The following CNTNAP2 variants were observed in gnomAD, a reference collection of about 807,000 sequenced individuals.
The protein encoded by CNTNAP2 is contactin-associated protein-like 2.
Under a neutral mutation model 155.2 loss-of-function variants are expected in CNTNAP2, and 98 were observed. The ratio of observed to expected loss-of-function variants is 0.63; its 90% CI spans 0.54 to 0.75. The LOEUF (loss-of-function observed/expected upper bound fraction) is 0.75. CNTNAP2 is among the 30% of genes least tolerant of loss of function. The pLI, the probability that CNTNAP2 is intolerant of heterozygous loss-of-function variation, is 0.00. For missense variants in CNTNAP2, 1,727 were observed against 1,688.1 expected, an observed-to-expected ratio of 1.02 and a Z score of -0.40; for synonymous variants, 651 against 631.2, an observed-to-expected ratio of 1.03 and a Z score of -0.47.
intron 13 of CNTNAP2, among the ~76,000 whole-genome samples, chr7:147,719,562 C>A (rs1371937612): frequency 6.6e-6 from 1 of 151,956 alleles, no homozygotes; most frequent in Non-Finnish European, 1.5e-5. Context: ...ACCACCGGAG[C>A]AAATTAAAAT....
At chr7:148,233,589 G>C (rs1049340404) in intron 20 of CNTNAP2, among the ~76,000 whole-genome samples, 4 of 152,080 alleles carry the variant, frequency 2.6e-5, no homozygotes, top group Admixed American at 2.0e-4. Context: ...TACTGACATA[G>C]AAAATGCCCA....
intron 4 of CNTNAP2, among the ~76,000 whole-genome samples, chr7:147,103,732 AATT>A (rs1288388563): frequency 1.3e-5 from 2 of 151,676 alleles, no homozygotes; most frequent in African/African-American, 4.8e-5. Context: ...ACCTTTATTG[AATT>A]ATTATATAAT....
intron 17 of CNTNAP2, among the ~76,000 whole-genome samples, chr7:148,166,762 A>G (rs1211988866): frequency 6.6e-6 from 1 of 152,184 alleles, no homozygotes; most frequent in South Asian, 2.1e-4. Flanking sequence ...GGCTCTCTAC[A>G]ATGACAATGT....
rs60221349 is a variant in CNTNAP2 at position 147,784,381 on chromosome 7, C to CATATATATATATATATATATATATATAT, written c.2099-119158_2099-119157insATATATATATATATATATATATATATAT. On this transcript the variant is annotated intron_variant, in intron 13 of 23. Transcript: ENST00000361727. ...TTCATAGCCCTCTACAAACTAAAAA[C>CATATATATATATATATATATATATATAT]ATATATATATATATATATATATATA... 6.1e-4 allele frequency among the ~76,000 whole-genome samples: 61 copies of CATATATATATATATATATATATATATAT among 99,280 alleles called. 1 individual carries two copies. Among genetic ancestry groups the CATATATATATATATATATATATATATAT allele is most frequent in the Non-Finnish European group, 8.0e-4 (36 of 44,846 alleles). The allele number at this position is 99,280 out of a possible 152,430, so 65.1% of individuals were successfully genotyped here.
In CNTNAP2 at chr7:146,862,163, C is replaced by A. The variant is rs74617449; in HGVS notation, c.402+22259C>A. Among the ~76,000 whole-genome samples, 676 of 152,262 alleles carry A rather than the reference C, an allele frequency of 4.4e-3. 6 individuals carry two copies. Among genetic ancestry groups the A allele is most frequent in the Non-Finnish European group, 7.4e-3 (506 of 68,006 alleles). Reference sequence around the variant, plus strand: ...TTTTTCCACCTGCCAGTTCGTTATTCATTCTGATTAGAATCATTTATTCTA... The same window carrying A: ...TTTTTCCACCTGCCAGTTCGTTATTAATTCTGATTAGAATCATTTATTCTA... On this transcript the variant is annotated intron_variant, in intron 3 of 23. Transcript: ENST00000361727.
rs888800972 is a variant in CNTNAP2 at position 148,419,210 on chromosome 7, C to G, written c.*3594C>G. On this transcript the variant is annotated 3_prime_UTR_variant, in exon 24 of 24. Transcript: ENST00000361727. ...TCCAAACAACACTGAATTTGAAACC[C>G]CCCATTTTTTCTTTTCACCACCCTG... 5.3e-5 allele frequency: 8 copies of G among 152,132 alleles called. No homozygotes were observed. Among genetic ancestry groups the G allele is most frequent in the African/African-American group, 1.4e-4 (6 of 41,408 alleles). 9.4% of individuals were successfully genotyped at this position (152,132 alleles called of 1,614,324 possible). A position where few individuals can be genotyped will look rare whatever the true frequency, so the allele number is the denominator to read the frequency against.
intron 18 of CNTNAP2, among the ~76,000 whole-genome samples, chr7:148,195,362 T>A (rs140218840): frequency 6.6e-6 from 1 of 152,126 alleles, no homozygotes; most frequent in African/African-American, 2.4e-5. Context: ...GAGTTTTCCA[T>A]CTCTGAAAAA....
chr7:147,663,291 C>T (rs138488657), intron 13 of CNTNAP2, among the ~76,000 whole-genome samples: 13 of 152,244 alleles, frequency 8.5e-5, no homozygotes, highest in Non-Finnish European at 1.8e-4. Flanking sequence ...CCACCGTGCC[C>T]AGCTGAATGT....
chr7:147,577,177 A>G (rs1165033214), intron 12 of CNTNAP2, among the ~76,000 whole-genome samples: 3 of 152,164 alleles, frequency 2.0e-5, no homozygotes, highest in Non-Finnish European at 1.5e-5. Flanking sequence ...TAACAGTGTC[A>G]CTGATGATCC....
At chr7:146,959,122 C>T (rs879477207) in intron 3 of CNTNAP2, among the ~76,000 whole-genome samples, 13 of 151,902 alleles carry the variant, frequency 8.6e-5, no homozygotes, top group African/African-American at 2.2e-4. Flanking sequence ...CAGGTTCAAG[C>T]GATTCTCCTG....
chr7:146,641,760 T>G (rs886627968), intron 1 of CNTNAP2, among the ~76,000 whole-genome samples: 11 of 152,210 alleles, frequency 7.2e-5, no homozygotes, highest in Non-Finnish European at 1.3e-4. Context: ...TTTTTGTCAC[T>G]GCAGAGAGAA....
intron 15 of CNTNAP2, among the ~76,000 whole-genome samples, chr7:147,978,693 A>C (rs1042184964): frequency 6.6e-6 from 1 of 152,126 alleles, no homozygotes; most frequent in African/African-American, 2.4e-5. Flanking sequence ...ACATGGTTGC[A>C]CTGTGGGGAT....
chr7:147,483,263 G>T (rs1248334430), intron 10 of CNTNAP2, among the ~76,000 whole-genome samples: 1 of 151,958 alleles, frequency 6.6e-6, no homozygotes, highest in East Asian at 1.9e-4. Context: ...ATCTAGAGAT[G>T]ATTTAAATTA....
chr7:148,155,427 T>C (rs1805380505), intron 17 of CNTNAP2, among the ~76,000 whole-genome samples: 1 of 152,190 alleles, frequency 6.6e-6, no homozygotes, highest in Admixed American at 6.5e-5. Flanking sequence ...TTGGTTTTTT[T>C]TATTTCACTA....
intron 13 of CNTNAP2, among the ~76,000 whole-genome samples, chr7:147,812,835 G>A (rs1294389026): frequency 1.3e-5 from 2 of 152,142 alleles, no homozygotes; most frequent in East Asian, 3.9e-4. Context: ...TTCTCACAAA[G>A]CAAATGAGCA....
intron 21 of CNTNAP2, among the ~76,000 whole-genome samples, chr7:148,296,140 C>T (rs894989509): frequency 6.6e-6 from 1 of 152,104 alleles, no homozygotes; most frequent in African/African-American, 2.4e-5. Flanking sequence ...GATTGCAAGA[C>T]AGGTATCTCT....
intron 17 of CNTNAP2, among the ~76,000 whole-genome samples, chr7:148,158,851 A>G (rs1585157907): frequency 6.6e-6 from 1 of 152,346 alleles, no homozygotes; most frequent in East Asian, 1.9e-4. Context: ...TCTTATACAG[A>G]TTTTTTATCT....
chr7:147,290,483 C>G (rs541244592), intron 8 of CNTNAP2, among the ~76,000 whole-genome samples: 1 of 152,058 alleles, frequency 6.6e-6, no homozygotes, highest in East Asian at 1.9e-4. Flanking sequence ...GAGTTCAAGA[C>G]CAGCCTGGGC....
intron 1 of CNTNAP2, among the ~76,000 whole-genome samples, chr7:146,373,435 T>TACACACACACACACACAC (rs1563059452): frequency 7.0e-6 from 1 of 141,992 alleles, no homozygotes; most frequent in African/African-American, 3.0e-5. Flanking sequence ...CACACACACT[T>TACACACACACACACACAC]AGGCATGAGG....
Sources: allele counts gnomAD v4.1 joint callset (sites outside exome capture counted in the v4.1 genomes callset), GRCh38; gene constraint gnomAD v4.1.1; transcripts MANE v1.5; gene names NCBI Gene and HGNC (gene_info 2026-07-23, HGNC 2026-07-21).